SPIRE1: variants seen among roughly 807,000 people sequenced by gnomAD.
SPIRE1 encodes spire type actin nucleation factor 1.
In SPIRE1, 40 loss-of-function variants were observed where a neutral mutation model predicts 94.1. The observed-to-expected ratio is 0.43, with a 90% CI of 0.33 to 0.55. The LOEUF (loss-of-function observed/expected upper bound fraction) is 0.55. SPIRE1 is among the 20% of genes least tolerant of loss of function. The pLI is 0.06. For synonymous variants in SPIRE1, 376 were observed against 371.7 expected (o/e 1.01, Z -0.13); for missense variants, 838 against 975.2 (o/e 0.86, Z 1.87).
chr18:12,568,092 C>G (rs1376375598), intron 2 of SPIRE1, among the ~76,000 whole-genome samples: 1 of 152,170 alleles, frequency 6.6e-6, no homozygotes, highest in Non-Finnish European at 1.5e-5. Context: ...GACCAGAGTT[C>G]CCACTGTAAG....
intron 12 of SPIRE1, chr18:12,460,009 C>T (rs777446126): frequency 6.4e-5 from 40 of 627,020 alleles, no homozygotes; most frequent in Non-Finnish European, 7.4e-5. Context: ...GTGACCTACA[C>T]ATAGTGATTA....
At chr18:12,474,719 G>C (rs1037106606) in intron 10 of SPIRE1, among the ~76,000 whole-genome samples, 1 of 152,102 alleles carries the variant, frequency 6.6e-6, no homozygotes, top group Non-Finnish European at 1.5e-5. Flanking sequence ...CTACTCGGGA[G>C]GCTGAAGCAG....
At chr18:12,480,032 CA>C (rs987556903) in intron 9 of SPIRE1, among the ~76,000 whole-genome samples, 161 bp from the exon 10 acceptor site, 1 of 152,186 alleles carries the variant, frequency 6.6e-6, no homozygotes, top group Non-Finnish European at 1.5e-5. Flanking sequence ...TATTAACTGT[CA>C]AATTCAATTA....
chr18:12,581,192 C>G (rs1439913922), intron 2 of SPIRE1, among the ~76,000 whole-genome samples: 4 of 152,112 alleles, frequency 2.6e-5, no homozygotes, highest in Non-Finnish European at 5.9e-5. Flanking sequence ...AACAAACACA[C>G]CCCACGTCAT....
At chr18:12,615,395 C>A (rs1243945736) in intron 2 of SPIRE1, among the ~76,000 whole-genome samples, 5 of 92,126 alleles carry the variant, frequency 5.4e-5, no homozygotes, top group Admixed American at 1.2e-4. Context: ...AAAAAAATAG[C>A]TAGGCAAGGC....
At chr18:12,628,974 G>A (rs1196225358) in intron 2 of SPIRE1, among the ~76,000 whole-genome samples, 1 of 152,160 alleles carries the variant, frequency 6.6e-6, no homozygotes, top group Non-Finnish European at 1.5e-5. Flanking sequence ...GTGAACATGA[G>A]TCTTTTTAAT....
chr18:12,564,435 A>G (rs1246629965), intron 2 of SPIRE1, among the ~76,000 whole-genome samples: 1 of 152,240 alleles, frequency 6.6e-6, no homozygotes, highest in East Asian at 1.9e-4. Flanking sequence ...AAGGCAAAAC[A>G]AAAATTTTAA....
At chr18:12,462,403 A>G (rs1471207300) in intron 12 of SPIRE1, among the ~76,000 whole-genome samples, 2 of 152,246 alleles carry the variant, frequency 1.3e-5, no homozygotes, top group Non-Finnish European at 2.9e-5. Context: ...AATATTAATT[A>G]CAGCTGTGCA....
chr18:12,487,813 AT>A (rs1233129397), intron 8 of SPIRE1, among the ~76,000 whole-genome samples: 2 of 152,254 alleles, frequency 1.3e-5, no homozygotes, highest in African/African-American at 4.8e-5. Flanking sequence ...TGGTATATAA[AT>A]GGCGTAAAGC....
intron 2 of SPIRE1, among the ~76,000 whole-genome samples, chr18:12,615,345 A>AAAAAAAATATATAT: frequency 4.1e-4 from 7 of 17,236 alleles, no homozygotes; most frequent in Non-Finnish European, 7.4e-4. Flanking sequence ...AAAAAAAAAA[A>AAAAAAAATATATAT]ATATATATAT....
chr18:12,642,162 T>C (rs1304848631), intron 1 of SPIRE1, among the ~76,000 whole-genome samples: 1 of 152,128 alleles, frequency 6.6e-6, no homozygotes, highest in Admixed American at 6.6e-5. Context: ...GGAAAAAGCA[T>C]TCATCTGTTC....
intron 6 of SPIRE1, among the ~76,000 whole-genome samples, chr18:12,502,553 G>A (rs1318855421): frequency 6.6e-6 from 1 of 152,042 alleles, no homozygotes; most frequent in African/African-American, 2.4e-5. Flanking sequence ...ATGTAAATTC[G>A]TACAACCCTT....
intron 6 of SPIRE1, 71 bp downstream of exon 6, chr18:12,506,406 G>A (rs1431532184): frequency 7.3e-7 from 1 of 1,370,444 alleles, no homozygotes; most frequent in Non-Finnish European, 1.0e-6. Context: ...TGATCCACCT[G>A]CCTCGACCTC....
chr18:12,576,581 CAAAAAAAAAA>C (rs762895518), intron 2 of SPIRE1, among the ~76,000 whole-genome samples: 1 of 31,012 alleles, frequency 3.2e-5, no homozygotes, highest in Non-Finnish European at 5.8e-5. Flanking sequence ...GACTCCATCT[CAAAAAAAAAA>C]AAAAAAAAAA....
intron 2 of SPIRE1, among the ~76,000 whole-genome samples, chr18:12,561,876 G>T (rs2035697552): frequency 6.6e-6 from 1 of 151,898 alleles, no homozygotes; most frequent in Admixed American, 6.6e-5. Context: ...GTTAAATTTT[G>T]CCACCAAATG....
At chr18:12,515,413 G>C (rs567451205) in intron 4 of SPIRE1, among the ~76,000 whole-genome samples, 5 of 152,078 alleles carry the variant, frequency 3.3e-5, no homozygotes, top group Admixed American at 6.5e-5. Context: ...CTACTCAGGA[G>C]GCTGAGGTAG....
chr18:12,495,662 G>C (rs1195729095), intron 7 of SPIRE1, among the ~76,000 whole-genome samples: 1 of 152,202 alleles, frequency 6.6e-6, no homozygotes, highest in Admixed American at 6.5e-5. Flanking sequence ...GCTGAAGTGG[G>C]AGGACTGCTT....
At chr18:12,630,326 G>A (rs766514453) in intron 2 of SPIRE1, among the ~76,000 whole-genome samples, 1 of 152,134 alleles carries the variant, frequency 6.6e-6, no homozygotes, top group African/African-American at 2.4e-5. Flanking sequence ...CACATAATAT[G>A]CTGCACGTAT....
At chr18:12,540,064 G>C (rs1375277562) in intron 3 of SPIRE1, among the ~76,000 whole-genome samples, 2 of 152,024 alleles carry the variant, frequency 1.3e-5, no homozygotes, top group Non-Finnish European at 2.9e-5. Flanking sequence ...GATCAATGAA[G>C]ATTGGAGTGA....
Sources: allele counts gnomAD v4.1 joint callset (sites outside exome capture counted in the v4.1 genomes callset), GRCh38; gene constraint gnomAD v4.1.1; transcripts MANE v1.5; gene names NCBI Gene and HGNC (gene_info 2026-07-23, HGNC 2026-07-21).